Variants in DLGAP2 observed in about 807,000 individuals in gnomAD.
The protein encoded by DLGAP2 is DLG associated protein 2, also known as disks large-associated protein 2.
A neutral mutation model predicts 100.3 loss-of-function variants in DLGAP2; 26 were observed. That is an observed-to-expected ratio of 0.26 (90% CI 0.19 to 0.36). DLGAP2 has a LOEUF of 0.36. Among genes scored for constraint, DLGAP2 ranks in the 10% least tolerant of loss-of-function variants. The probability of loss-of-function intolerance (pLI) is 1.00; values close to 1 mark genes in which losing one functional copy is unlikely to be tolerated. For synonymous variants in DLGAP2, 886 were observed against 630.1 expected (o/e 1.41, Z -6.08); for missense variants, 1,858 against 1,453.2 (o/e 1.28, Z -4.53).
At chr8:1,641,878 C>T (rs1350729411) in intron 8 of DLGAP2, among the ~76,000 whole-genome samples, 1 of 129,008 alleles carries the variant, frequency 7.8e-6, no homozygotes, top group African/African-American at 3.1e-5. Context: ...CCCCTCGAAC[C>T]CGCCGGTCCT....
intron 6 of DLGAP2, among the ~76,000 whole-genome samples, chr8:1,577,546 C>G (rs1041698454): frequency 7.3e-6 from 1 of 136,632 alleles, no homozygotes; most frequent in Non-Finnish European, 1.5e-5. Context: ...CCAGCCTGGG[C>G]CACAGAATTA....
chr8:1,630,430 C>T lies in DLGAP2; in HGVS notation c.1591-2397C>T, dbSNP rs1331762706. Among the ~76,000 whole-genome samples the T allele has an allele frequency of 1.2e-4, 18 of 152,264 alleles. No individual in the cohort carries two copies. The East Asian group carries it at 2.5e-3, about 21-fold the overall frequency. On this transcript the variant is annotated intron_variant, in intron 7 of 14. Transcript: ENST00000637795. ...TTGAAAGTTTGCCCTTGGCCAGTCG[C>T]GGTGGCTCACGCCTGTAATCCCAGC...
At chr8:1,104,016 C>G (rs1395054361) in intron 2 of DLGAP2, among the ~76,000 whole-genome samples, 1 of 152,212 alleles carries the variant, frequency 6.6e-6, no homozygotes, top group Non-Finnish European at 1.5e-5. Context: ...CACAAGAACA[C>G]AAAGCGCTTG....
intron 3 of DLGAP2, among the ~76,000 whole-genome samples, chr8:1,281,150 A>T (rs758224702): frequency 6.6e-6 from 1 of 152,228 alleles, no homozygotes; most frequent in Non-Finnish European, 1.5e-5. Context: ...TTAATTTTTA[A>T]AAATGTGTGT....
chr8:976,671 A>G (rs1800172600), intron 2 of DLGAP2, among the ~76,000 whole-genome samples: 1 of 152,220 alleles, frequency 6.6e-6, no homozygotes, highest in South Asian at 2.1e-4. Flanking sequence ...TCTTTGACAA[A>G]GGAGCAATTC....
chr8:1,275,380 T>A (rs553415883), intron 3 of DLGAP2, among the ~76,000 whole-genome samples: 70 of 149,044 alleles, frequency 4.7e-4, no homozygotes, highest in Middle Eastern at 7.0e-3. Flanking sequence ...AAAAACACAA[T>A]AGATTTGCAC....
chr8:1,571,992 G>T (rs111436911), intron 6 of DLGAP2, among the ~76,000 whole-genome samples: 1 of 128,508 alleles, frequency 7.8e-6, no homozygotes. Flanking sequence ...GGAGAGGAGA[G>T]AGGGTGAACT....
At position 1,208,279 on chromosome 8, in the gene DLGAP2, G is replaced by A. The variant is rs867502495; in HGVS notation, c.74-50572G>A. Reference sequence around the variant, plus strand: ...AGGATCCAGTTTCATTCTTCTATATGTGGCTTGCCGATTATCCCAGGACCA... The same window carrying A: ...AGGATCCAGTTTCATTCTTCTATATATGGCTTGCCGATTATCCCAGGACCA... On this transcript the variant is annotated intron_variant, in intron 2 of 14. Transcript: ENST00000637795. 1.4e-4 allele frequency among the ~76,000 whole-genome samples: 22 copies of A among 152,236 alleles called. No homozygotes were observed. In the Middle Eastern group the frequency reaches 0.01, roughly 71 times the overall value.
intron 3 of DLGAP2, among the ~76,000 whole-genome samples, chr8:1,467,933 A>C (rs1018756467): frequency 6.6e-6 from 1 of 152,178 alleles, no homozygotes; most frequent in Admixed American, 6.5e-5. Context: ...AAATAAATAA[A>C]TACGTTCTGA....
intron 3 of DLGAP2, among the ~76,000 whole-genome samples, chr8:1,473,096 A>G (rs186967911): frequency 6.8e-4 from 104 of 152,186 alleles, no homozygotes; most frequent in African/African-American, 2.4e-3. Context: ...ACACCTGGCT[A>G]ATTTTGGTAT....
At chr8:759,187 CG>C (rs1821006847) in intron 1 of DLGAP2, among the ~76,000 whole-genome samples, 1 of 98,784 alleles carries the variant, frequency 1.0e-5, no homozygotes, top group African/African-American at 4.1e-5. Flanking sequence ...TCAATACCCC[CG>C]ACAGCCTTCC....
At position 851,831 on chromosome 8, in the gene DLGAP2, C is replaced by T. The variant is rs148485794; in HGVS notation, c.19-56081C>T. Among the ~76,000 whole-genome samples the T allele has an allele frequency of 4.6e-4, 70 of 152,178 alleles. 1 individual carries two copies. Among genetic ancestry groups the T allele is most frequent in the African/African-American group, 1.4e-3 (57 of 41,568 alleles). ...CGGAGCTGGGAAGCAGTGACTGTTC[C>T]GTGACTGCTGGGTGGCGGGAGCTGC... On this transcript the variant is annotated intron_variant, in intron 1 of 14. Transcript: ENST00000637795.
At chr8:1,523,131 C>T (rs1186078609) in intron 4 of DLGAP2, among the ~76,000 whole-genome samples, 2 of 152,276 alleles carry the variant, frequency 1.3e-5, no homozygotes, top group African/African-American at 2.4e-5. Flanking sequence ...TCACGCCACG[C>T]GTATGATAAG....
chr8:1,232,417 C>A (rs540802241), intron 2 of DLGAP2, among the ~76,000 whole-genome samples: 16 of 152,340 alleles, frequency 1.1e-4, no homozygotes, highest in African/African-American at 3.4e-4. Context: ...ATCCCTTTCT[C>A]CAGCACCCTC....
At chr8:1,040,678 C>T (rs1802320032) in intron 2 of DLGAP2, among the ~76,000 whole-genome samples, 1 of 151,048 alleles carries the variant, frequency 6.6e-6, no homozygotes, top group African/African-American at 2.5e-5. Context: ...GTGTGGTCGG[C>T]TCGGTTTCCG....
At chr8:820,403 T>A (rs1796561984) in intron 1 of DLGAP2, among the ~76,000 whole-genome samples, 1 of 152,120 alleles carries the variant, frequency 6.6e-6, no homozygotes. Context: ...ATGGGGCTAA[T>A]AGGCAAATGA....
rs527510576 is a variant in DLGAP2 at position 1,578,308 on chromosome 8, G to C, written c.1442+12414G>C. 9.4e-4 allele frequency among the ~76,000 whole-genome samples: 143 copies of C among 152,298 alleles called. 2 individuals are homozygous for C. Among genetic ancestry groups the C allele is most frequent in the Admixed American group, 9.2e-3 (141 of 15,296 alleles). On this transcript the variant is annotated intron_variant, in intron 6 of 14. Coordinates refer to ENST00000637795, the MANE Select transcript of DLGAP2 (RefSeq NM_001346810.2). ...AGAATGCAAATGTTATGGGAAGATCGACTTGCTAATTGTATTTAATTTTAA... is the reference window on the plus strand; with the variant it reads ...AGAATGCAAATGTTATGGGAAGATCCACTTGCTAATTGTATTTAATTTTAA...
At chr8:1,364,692 A>T (rs1802069064) in intron 3 of DLGAP2, among the ~76,000 whole-genome samples, 1 of 152,110 alleles carries the variant, frequency 6.6e-6, no homozygotes, top group Non-Finnish European at 1.5e-5. Flanking sequence ...GGCAAGGAGG[A>T]CTCCAATTAA....
intron 6 of DLGAP2, among the ~76,000 whole-genome samples, chr8:1,595,534 G>GC (rs1357167247): frequency 6.6e-6 from 1 of 151,170 alleles, no homozygotes; most frequent in Non-Finnish European, 1.5e-5. Flanking sequence ...GGGCACGGTG[G>GC]CGGGCGCCTG....
Sources: allele counts gnomAD v4.1 joint callset (sites outside exome capture counted in the v4.1 genomes callset), GRCh38; gene constraint gnomAD v4.1.1; transcripts MANE v1.5; gene names NCBI Gene and HGNC (gene_info 2026-07-23, HGNC 2026-07-21).